RTN4IP1: variants seen among roughly 807,000 people sequenced by gnomAD.
The protein encoded by RTN4IP1 is reticulon 4 interacting protein 1.
RTN4IP1 carries 32 observed loss-of-function variants against 46.6 expected under a neutral mutation model. The ratio of observed to expected loss-of-function variants is 0.69; its 90% CI spans 0.52 to 0.92. RTN4IP1 has a LOEUF of 0.92. Among genes scored for constraint, RTN4IP1 ranks in the 40% least tolerant of loss-of-function variants. The probability of loss-of-function intolerance (pLI) is 0.00; values close to 1 mark genes in which losing one functional copy is unlikely to be tolerated. For missense variants in RTN4IP1, 424 were observed against 485.8 expected (o/e 0.87, Z 1.20); for synonymous variants, 167 against 161.8 (o/e 1.03, Z -0.24).
At chr6:106,610,394 C>A (rs17067432) in intron 4 of RTN4IP1, among the ~76,000 whole-genome samples, 5,041 of 152,188 alleles carry the variant, frequency 0.033, 275 homozygotes, top group East Asian at 0.2. Flanking sequence ...AACAATAAGC[C>A]GGTCGGTCTT....
intron 1 of RTN4IP1, among the ~76,000 whole-genome samples, chr6:106,624,604 G>C (rs978887214): frequency 2.0e-5 from 3 of 151,300 alleles, no homozygotes; most frequent in East Asian, 2.0e-4. Context: ...CCAAAGTGCT[G>C]GGATTACAGG....
chr6:106,587,740 C>G lies in RTN4IP1; in HGVS notation c.929G>C (p.Arg310Pro), dbSNP rs1263210619. 6.2e-7 allele frequency: 1 copy of G among 1,613,766 alleles called. No homozygotes were observed. Among genetic ancestry groups the G allele is most frequent in the African/African-American group, 1.3e-5 (1 of 74,924 alleles). Residue 310 changes from arginine (R) to proline (P), a missense_variant, in exon 7 of 9, where the codon CGA becomes CCA. Coordinates refer to ENST00000369063, the MANE Select transcript of RTN4IP1 (RefSeq NM_032730.5). ...LVTPFLLNMD[R>P]LGIADGMLQT... ...CAACATGCCATCTGCTATGCCCAATCGGTCCATGTTCAGGAGGAAAGGAGT... is the reference window on the plus strand; with the variant it reads ...CAACATGCCATCTGCTATGCCCAATGGGTCCATGTTCAGGAGGAAAGGAGT...
At chr6:106,628,551 TTTTGTCAATACAA>T in intron 1 of RTN4IP1, among the ~76,000 whole-genome samples, 184 bp downstream of exon 1, 1 of 152,256 alleles carries the variant, frequency 6.6e-6, no homozygotes, top group Admixed American at 6.5e-5. Context: ...CAAGCTTATA[TTTTGTCAATACAA>T]ATGGCCAGAA....
intron 1 of RTN4IP1, among the ~76,000 whole-genome samples, chr6:106,623,412 G>T (rs914384494): frequency 1.3e-5 from 2 of 152,076 alleles, no homozygotes; most frequent in Non-Finnish European, 2.9e-5. Flanking sequence ...AGAGGAAGAG[G>T]ATCAAGAAAA....
chr6:106,629,482 C>G lies in RTN4IP1; in HGVS notation c.-461G>C, dbSNP rs75903806. 4 of 716,926 alleles carry G rather than the reference C, an allele frequency of 5.6e-6. No homozygotes were observed. The South Asian group carries it at 5.8e-5, about 10-fold the overall frequency. 44.4% of individuals were successfully genotyped at this position (716,926 alleles called of 1,614,324 possible). A position where few individuals can be genotyped will look rare whatever the true frequency, so the allele number is the denominator to read the frequency against. ...TCCTTGCCTGCCCGCTCTCCTTAGC[C>G]GCCGGGATGGCTTTGCGGCGCCAAC... On this transcript the variant is annotated 5_prime_UTR_variant, in exon 1 of 9. Coordinates refer to ENST00000369063, the MANE Select transcript of RTN4IP1 (RefSeq NM_032730.5).
chr6:106,622,095 AACT>A (rs1182776003), intron 2 of RTN4IP1, among the ~76,000 whole-genome samples: 1 of 151,522 alleles, frequency 6.6e-6, no homozygotes, highest in Non-Finnish European at 1.5e-5. Context: ...TTAAGTACTA[AACT>A]TAGAAAACAC....
At chr6:106,627,909 A>T (rs1488492366) in intron 1 of RTN4IP1, among the ~76,000 whole-genome samples, 2 of 146,942 alleles carry the variant, frequency 1.4e-5, no homozygotes, top group East Asian at 4.1e-4. Context: ...TTTCTATAAA[A>T]ATACAAAAAT....
At position 106,618,304 on chromosome 6, in the gene RTN4IP1, A is replaced by T. The variant is rs537832793; in HGVS notation, c.620+898T>A. Among the ~76,000 whole-genome samples the T allele has an allele frequency of 7.9e-5, 12 of 152,058 alleles. No homozygotes were observed. In the East Asian group the frequency reaches 2.1e-3, roughly 27 times the overall value. ...TAATAAAAAAAACTAGGTTATTTTA[A>T]TTTATTATAGTTTGACCTACAGCTC... On this transcript the variant is annotated intron_variant, in intron 4 of 8. Transcript: ENST00000369063.
At chr6:106,586,132 G>A (rs993280225) in intron 7 of RTN4IP1, among the ~76,000 whole-genome samples, 4 of 152,006 alleles carry the variant, frequency 2.6e-5, no homozygotes. Flanking sequence ...TCTTTGTTAC[G>A]ACCTCTAAGT....
chr6:106,606,051 A>G (rs895874894), intron 4 of RTN4IP1, among the ~76,000 whole-genome samples: 3 of 152,200 alleles, frequency 2.0e-5, no homozygotes, highest in African/African-American at 7.2e-5. Flanking sequence ...TCTTACATAT[A>G]GAAAAAACAA....
At chr6:106,611,399 G>A (rs1776221718) in intron 4 of RTN4IP1, among the ~76,000 whole-genome samples, 1 of 152,176 alleles carries the variant, frequency 6.6e-6, no homozygotes, top group Admixed American at 6.6e-5. Flanking sequence ...CACATTATAA[G>A]ATTAGAGTGT....
chr6:106,599,009 T>G (rs1266038396), intron 5 of RTN4IP1, among the ~76,000 whole-genome samples: 2 of 151,932 alleles, frequency 1.3e-5, no homozygotes, highest in Non-Finnish European at 2.9e-5. Context: ...ACTTTTTTCC[T>G]GATTTTTTCC....
Position 106,629,203 on chromosome 6 carries a change from G to C in RTN4IP1, c.-182C>G. The C allele has an allele frequency of 3.3e-6, 2 of 604,892 alleles. No homozygotes were observed. The highest frequency in any genetic ancestry group is 2.1e-5 in the South Asian group (1 of 47,622). The allele number at this position is 604,892 out of a possible 1,614,324, so 37.5% of individuals were successfully genotyped here. On this transcript the variant is annotated 5_prime_UTR_variant, in exon 1 of 9. Coordinates refer to ENST00000369063, the MANE Select transcript of RTN4IP1 (RefSeq NM_032730.5). ...GAAACTGAAAGAAGAATACGGAACT[G>C]TTATTCCGCTCTTCGCATATGAAAT...
intron 4 of RTN4IP1, among the ~76,000 whole-genome samples, chr6:106,611,048 C>CA (rs367661239): frequency 0.041 from 5,363 of 130,450 alleles, 205 homozygotes; most frequent in East Asian, 0.19. Flanking sequence ...AGCTGCCTTA[C>CA]AAAAAAAAAA....
rs140565188 is a variant in RTN4IP1, at chr6:106,618,115, C to A, written c.620+1087G>T. The stretch of plus-strand genomic sequence containing the variant: ...AATTCTAAGATAAGGAAGGGTAGTA[C>A]CTCACTAGATGTATAGCTTTCATAA... On this transcript the variant is annotated intron_variant, in intron 4 of 8. Coordinates refer to ENST00000369063, the MANE Select transcript of RTN4IP1 (RefSeq NM_032730.5). 2.0e-3 allele frequency among the ~76,000 whole-genome samples: 302 copies of A among 152,210 alleles called. 2 individuals carry two copies. The highest frequency in any genetic ancestry group is 6.8e-3 in the African/African-American group (283 of 41,514).
chr6:106,599,451 CT>C (rs11392355), intron 5 of RTN4IP1, among the ~76,000 whole-genome samples: 49 of 143,192 alleles, frequency 3.4e-4, no homozygotes, highest in African/African-American at 6.4e-4. Flanking sequence ...ACCCTTTTTG[CT>C]TTTTTTTTTT....
At chr6:106,616,979 G>A (rs1281778654) in intron 4 of RTN4IP1, among the ~76,000 whole-genome samples, 2 of 152,140 alleles carry the variant, frequency 1.3e-5, no homozygotes, top group Non-Finnish European at 2.9e-5. Flanking sequence ...GGTCATGCAA[G>A]CGGAACCCTC....
intron 4 of RTN4IP1, among the ~76,000 whole-genome samples, chr6:106,610,157 G>A (rs1299617159): frequency 6.6e-6 from 1 of 152,092 alleles, no homozygotes; most frequent in Non-Finnish European, 1.5e-5. Flanking sequence ...CGCCTCCCGT[G>A]TTCAAGGGAT....
chr6:106,588,837 G>T (rs548083876), intron 6 of RTN4IP1, among the ~76,000 whole-genome samples: 4 of 152,168 alleles, frequency 2.6e-5, no homozygotes, highest in African/African-American at 9.6e-5. Flanking sequence ...AAGGCCGGGT[G>T]CAGTGGCTCA....
Sources: gnomAD v4.1 joint callset for allele counts (sites outside exome capture counted in the v4.1 genomes callset) on GRCh38, gnomAD v4.1.1 for gene constraint, MANE v1.5 for transcripts, NCBI Gene and HGNC (gene_info 2026-07-23, HGNC 2026-07-21) for gene names.